OAS3: variants seen among roughly 807,000 people sequenced by gnomAD.
OAS3 encodes the protein 2'-5'-oligoadenylate synthase 3.
A neutral mutation model predicts 113.0 loss-of-function variants in OAS3; 107 were observed. The ratio of observed to expected loss-of-function variants is 0.95; its 90% CI spans 0.81 to 1.11. The LOEUF is 1.11. Among genes scored for constraint, OAS3 ranks in the 50% most tolerant of loss-of-function variants. The pLI, the probability that OAS3 is intolerant of heterozygous loss-of-function variation, is 0.00. For synonymous variants in OAS3, 552 were observed against 573.6 expected (o/e 0.96, Z 0.54); for missense variants, 1,258 against 1,389.1 (o/e 0.91, Z 1.50).
At chr12:112,966,329 G>A (rs1033994019) in intron 12 of OAS3, among the ~76,000 whole-genome samples, 3 of 152,176 alleles carry the variant, frequency 2.0e-5, no homozygotes, top group Non-Finnish European at 4.4e-5. Context: ...GAGCCCCAGT[G>A]TCTTTATCTC....
rs958371139 is a variant in OAS3 at position 112,948,900 on chromosome 12, A to T, written c.1069A>T (p.Ile357Phe). Reference sequence around the variant, plus strand: ...TGGATGCTCAGGTTTGGGCCACCCCATCCAGCTAGACCCTAACCAGAAGAC... The same window carrying T: ...TGGATGCTCAGGTTTGGGCCACCCCTTCCAGCTAGACCCTAACCAGAAGAC... ...RAGCSGLGHP[I>F]QLDPNQKTPE... Residue 357 changes from isoleucine to phenylalanine, a missense_variant, in exon 6 of 16, where the codon ATC (isoleucine) becomes TTC (phenylalanine). Physicochemically the swap from Ile to Phe is conservative, Grantham distance 21 (BLOSUM62 0). Transcript: ENST00000228928. 1 of 1,600,712 alleles carries T rather than the reference A, an allele frequency of 6.2e-7. No individual in the cohort carries two copies.
At position 112,965,260 on chromosome 12, in the gene OAS3, A is replaced by G. The variant is rs2043923543; in HGVS notation, c.2404-484A>G. ...TCTGATCCTCACGTTCCTGATTTCT[A>G]ACACTTGAGGAGAGTGGCTTGGATC... On this transcript the variant is annotated intron_variant, in intron 11 of 15. Coordinates refer to ENST00000228928, the MANE Select transcript of OAS3 (RefSeq NM_006187.4). Among the ~76,000 whole-genome samples, 4 of 152,296 alleles carry G rather than the reference A, an allele frequency of 2.6e-5. No individual in the cohort carries two copies. In the South Asian group the frequency reaches 8.3e-4, roughly 32 times the overall value.
In OAS3 at chr12:112,948,943, G is replaced by T. The variant is rs977416110; in HGVS notation, c.1112G>T (p.Ser371Ile). Residue 371 changes from serine to isoleucine, a missense_variant, in exon 6 of 16, where the codon AGC becomes ATC. Transcript: ENST00000228928. ...CAGAAGACCCCTGAAAACAGCAAGA[G>T]CCTCAATGCTGTGTACCCAAGAGCA... ...PNQKTPENSK[S>I]LNAVYPRAGS... 1.2e-6 allele frequency: 2 copies of T among 1,613,058 alleles called. No homozygotes were observed. Among genetic ancestry groups the T allele is most frequent in the Non-Finnish European group, 1.7e-6 (2 of 1,179,498 alleles).
rs777185426 is a variant in OAS3 at position 112,967,524 on chromosome 12, G to A, written c.2796G>A (p.Arg932=). Residue 932 remains arginine (R), a synonymous_variant, in exon 13 of 16, where the codon CGG becomes CGA. Transcript: ENST00000228928. The part of the protein sequence containing the change: ...EYSTCFTELQ[R]DFIISRPTKL... ...CCACCTGCTTCACAGAGCTACAACG[G>A]GACTTCATCATCTCTCGCCCTACCA... 3.1e-6 allele frequency: 5 copies of A among 1,613,904 alleles called. No individual in the cohort carries two copies. The Admixed American group carries it at 8.3e-5, about 27-fold the overall frequency.
At chr12:112,953,574 C>T (rs1235747426) in intron 7 of OAS3, among the ~76,000 whole-genome samples, 1 of 152,202 alleles carries the variant, frequency 6.6e-6, no homozygotes, top group Non-Finnish European at 1.5e-5. Flanking sequence ...CTGTCTTCCA[C>T]AATGGCTGAA....
At position 112,963,277 on chromosome 12, in the gene OAS3, C is replaced by G. The variant is rs774287592; in HGVS notation, c.2085-36C>G. 12 of 1,537,844 alleles carry G rather than the reference C, an allele frequency of 7.8e-6. No individual in the cohort carries two copies. The South Asian group carries it at 1.4e-4, about 18-fold the overall frequency. ...CACCCGCCTCCTCTTTCACTGACTC[C>G]CACCTTCCCCACCCACCTTCCTGCT... is the stretch of plus-strand genomic sequence containing the variant. On this transcript the variant is annotated intron_variant, in intron 9 of 15. Transcript: ENST00000228928. This position sits in a 1 kb window ranked among gnomAD's most constrained non-coding sequence, Gnocchi z 4.6.
rs554459332 is a variant in OAS3 at position 112,946,780 on chromosome 12, C to T, written c.674C>T (p.Pro225Leu). The change falls in exon 4 of 16, where the codon CCG (proline) becomes CTG (leucine). Residue 225 changes from proline (P) to leucine (L), a missense_variant. By Grantham distance (98) the Pro-to-Leu change is moderately conservative (BLOSUM62 -3). Coordinates refer to ENST00000228928, the MANE Select transcript of OAS3 (RefSeq NM_006187.4). ...GGGTTGTGGAAGGAGACGCTGCCCC[C>T]GGTCTATGCCCTGGAATTGCTGACC... is the stretch of plus-strand genomic sequence containing the variant. ...LQGLWKETLP[P>L]VYALELLTIF... is the part of the protein sequence containing the mutation. 2.5e-5 allele frequency: 41 copies of T among 1,612,864 alleles called. No individual in the cohort carries two copies. The highest frequency in any genetic ancestry group is 2.1e-4 in the African/African-American group (16 of 75,044).
intron 2 of OAS3, among the ~76,000 whole-genome samples, chr12:112,944,124 G>T (rs1294696861): frequency 6.6e-6 from 1 of 152,186 alleles, no homozygotes; most frequent in Admixed American, 6.5e-5. Flanking sequence ...GGAAGGCTCA[G>T]GGAGGAGAGA....
rs767455016 is a variant in OAS3, at chr12:112,950,686, T to A, written c.1375-7T>A. 6.2e-7 allele frequency: 1 copy of A among 1,613,740 alleles called. No homozygotes were observed. On this transcript the variant is annotated splice_region_variant and splice_polypyrimidine_tract_variant and intron_variant, in intron 6 of 15. Transcript: ENST00000228928. ...GTCCCTGATCTGAGCTGTTCTTCCC[T>A]CCACAGGGGGGCTCATTTGGCCGGG... is the stretch of plus-strand genomic sequence containing the variant.
In OAS3 at chr12:112,944,609, G is replaced by A. The variant is rs1208085107; in HGVS notation, c.594G>A (p.Lys198=). ...RRNFVNIRPA[K]LKNLILLVKH... ...ACTTTGTGAACATTCGCCCAGCCAA[G>A]TTGAAGAACCTAATCTTGCTGGTGA... is the stretch of plus-strand genomic sequence containing the variant. The change falls in exon 3 of 16, where the codon AAG becomes AAA. Residue 198 remains lysine (K), a synonymous_variant. Coordinates refer to ENST00000228928, the MANE Select transcript of OAS3 (RefSeq NM_006187.4). The A allele has an allele frequency of 1.9e-6, 3 of 1,614,068 alleles. No individual in the cohort carries two copies. The highest frequency in any genetic ancestry group is 3.3e-5 in the Admixed American group (2 of 60,030).
At position 112,962,880 on chromosome 12, in the gene OAS3, C is replaced by G. The variant is rs759661865; in HGVS notation, c.2062C>G (p.Leu688Val). ...GGACCCAGCCATGAGAATGCACCTT[C>G]TTGGCCAGCTTCGAAAACCCAGGTG... Reference protein sequence around the residue: ...TEDPAMRMHLLGQLRKPRPLV... With the variant: ...TEDPAMRMHLVGQLRKPRPLV... Residue 688 changes from leucine (L) to valine (V), a missense_variant, in exon 9 of 16, where the codon CTT (leucine) becomes GTT (valine). Leu to Val is a conservative substitution (Grantham distance 32, BLOSUM62 1). Coordinates refer to ENST00000228928, the MANE Select transcript of OAS3 (RefSeq NM_006187.4). 1 of 1,613,764 alleles carries G rather than the reference C, an allele frequency of 6.2e-7. No individual in the cohort carries two copies. The highest frequency in any genetic ancestry group is 8.5e-7 in the Non-Finnish European group (1 of 1,179,678).
intron 13 of OAS3, 41 bp from the exon 14 acceptor site, chr12:112,967,895 G>A: frequency 6.3e-7 from 1 of 1,593,276 alleles, no homozygotes; most frequent in South Asian, 1.2e-5. Flanking sequence ...TACCTCATCA[G>A]TGCCAATATG....
In OAS3 at chr12:112,968,072, T is replaced by C. The variant is rs2043952663; in HGVS notation, c.3002T>C (p.Leu1001Pro). 1.9e-6 allele frequency: 3 copies of C among 1,614,034 alleles called. No individual in the cohort carries two copies. Among genetic ancestry groups the C allele is most frequent in the Non-Finnish European group, 2.5e-6 (3 of 1,179,896 alleles). Reference protein sequence around the residue: ...MAEGFRTVLELVTQYRQLCIY... With the variant: ...MAEGFRTVLEPVTQYRQLCIY... ...GAGGGCTTCCGCACGGTCCTGGAGC[T>C]GGTCACCCAGTACCGCCAGCTCTGT... The change falls in exon 14 of 16, where the codon CTG (leucine) becomes CCG (proline). Residue 1001 changes from leucine (L) to proline (P), a missense_variant. Transcript: ENST00000228928.
At chr12:112,944,264 C>A (rs934796213) in intron 2 of OAS3, among the ~76,000 whole-genome samples, 3 of 152,186 alleles carry the variant, frequency 2.0e-5, no homozygotes, top group Non-Finnish European at 4.4e-5. Flanking sequence ...GAGGGACTCT[C>A]CCACTGCATT....
intron 14 of OAS3, 145 bp downstream of exon 14, chr12:112,968,319 C>A (rs1484364831): frequency 1.7e-6 from 2 of 1,157,522 alleles, no homozygotes; most frequent in East Asian, 2.6e-5. Context: ...ACCTGAGGGA[C>A]AAACGGTCAA....
At chr12:112,950,496 G>A in intron 6 of OAS3, 197 bp from the exon 7 acceptor site, 1 of 626,558 alleles carries the variant, frequency 1.6e-6, no homozygotes, top group Non-Finnish European at 2.8e-6. Flanking sequence ...GGCAGGTGCA[G>A]GCAGATACAA....
rs796759492 is a variant in OAS3, at chr12:112,941,225, G to A, written c.178-345G>A. ...TTAAAAAAATGTAAAAACTAGCCAG[G>A]CATGGTAGCGTGTGCCTGTAGTCTC... On this transcript the variant is annotated intron_variant, in intron 1 of 15. Coordinates refer to ENST00000228928, the MANE Select transcript of OAS3 (RefSeq NM_006187.4). Among the ~76,000 whole-genome samples, 8 of 152,146 alleles carry A rather than the reference G, an allele frequency of 5.3e-5. No individual in the cohort carries two copies. In the East Asian group the frequency reaches 7.7e-4, roughly 15 times the overall value.
intron 7 of OAS3, among the ~76,000 whole-genome samples, chr12:112,958,257 T>C (rs912135215): frequency 6.6e-6 from 1 of 152,280 alleles, no homozygotes; most frequent in Non-Finnish European, 1.5e-5. Flanking sequence ...CTCAAGGTTT[T>C]TAGCTTCTTT....
intron 13 of OAS3, 52 bp from the exon 14 acceptor site, chr12:112,967,884 G>A (rs1000760406): frequency 6.3e-6 from 10 of 1,575,508 alleles, no homozygotes; most frequent in African/African-American, 5.4e-5. Flanking sequence ...AATCCCTTCT[G>A]TACCTCATCA....
Sources: gnomAD v4.1 joint callset for allele counts (sites outside exome capture counted in the v4.1 genomes callset) on GRCh38, gnomAD v4.1.1 for gene constraint, Gnocchi (gnomAD v3.1) non-coding constraint, MANE v1.5 for transcripts, NCBI Gene and HGNC (gene_info 2026-07-23, HGNC 2026-07-21) for gene names.